ATG7: variants seen among roughly 807,000 people sequenced by gnomAD.
The protein encoded by ATG7 is autophagy related 7.
Under a neutral mutation model 82.4 loss-of-function variants are expected in ATG7, and 70 were observed. The observed-to-expected ratio is 0.85, with a 90% CI of 0.70 to 1.04. The LOEUF (loss-of-function observed/expected upper bound fraction) is 1.04, where lower values mean the gene tolerates loss of function less well. Among genes scored for constraint, ATG7 ranks in the 50% least tolerant of loss-of-function variants. The probability of loss-of-function intolerance (pLI) is 0.00; values close to 1 mark genes in which losing one functional copy is unlikely to be tolerated. For missense variants in ATG7, 792 were observed against 864.3 expected (o/e 0.92, Z 1.05); for synonymous variants, 287 against 313.0 (o/e 0.92, Z 0.88).
rs568017798 is a variant in ATG7 at position 11,358,643 on chromosome 3, T to A, written c.1479+31T>A. 27 of 1,600,314 alleles carry A rather than the reference T, an allele frequency of 1.7e-5. No homozygotes were observed. In the East Asian group the frequency reaches 5.1e-4, roughly 30 times the overall value. ...CCCTGTCTCTAATTATGATTTATGA[T>A]TTAATGCACCACCACTCCAGAGGGA... On this transcript the variant is annotated intron_variant, in intron 15 of 20. Transcript: ENST00000693202.
intron 5 of ATG7, among the ~76,000 whole-genome samples, chr3:11,303,827 C>A (rs2152700672): frequency 6.6e-6 from 1 of 150,566 alleles, no homozygotes; most frequent in African/African-American, 2.4e-5. Context: ...GTAATCCCAG[C>A]ACTTTGGGAG....
At chr3:11,558,690 C>T, downstream of ATG7, 1 of 1,613,970 alleles carries the variant, frequency 6.2e-7, no homozygotes, top group Non-Finnish European at 8.5e-7. Flanking sequence ...AGCCACGTGT[C>T]ACCCAGAGCT....
At chr3:11,536,042 T>G (rs2070257991) in intron 20 of ATG7, among the ~76,000 whole-genome samples, 1 of 152,164 alleles carries the variant, frequency 6.6e-6, no homozygotes, top group African/African-American at 2.4e-5. Context: ...CTCCATGGGT[T>G]CTAAAGGAAA....
In ATG7 at chr3:11,514,964, C is replaced by CT. The variant is rs528148542; in HGVS notation, c.2080-39846dup. On this transcript the variant is annotated intron_variant, in intron 20 of 20. Transcript: ENST00000693202. The stretch of plus-strand genomic sequence containing the variant: ...CAAGTGATTCTCCTGCCTCAGCTTC[C>CT]TGAGTAGCTGGGATTACAGGTGCGC... Among the ~76,000 whole-genome samples, 127 of 151,740 alleles carry CT rather than the reference C, an allele frequency of 8.4e-4. 1 individual carries two copies. The East Asian group carries it at 0.019, about 22-fold the overall frequency.
At chr3:11,397,840 T>G (rs1327743814) in intron 19 of ATG7, among the ~76,000 whole-genome samples, 1 of 148,080 alleles carries the variant, frequency 6.8e-6, no homozygotes, top group African/African-American at 2.5e-5. Context: ...CCCGGCACTC[T>G]GGGAGCCTGA....
chr3:11,538,573 G>C (rs2070523381), intron 20 of ATG7, among the ~76,000 whole-genome samples: 1 of 150,862 alleles, frequency 6.6e-6, no homozygotes, highest in African/African-American at 2.4e-5. Flanking sequence ...CCAGCCTCAG[G>C]GGCTCACACC....
chr3:11,430,234 A>G (rs2082747249), intron 20 of ATG7, among the ~76,000 whole-genome samples: 1 of 152,202 alleles, frequency 6.6e-6, no homozygotes, highest in Non-Finnish European at 1.5e-5. Context: ...AGGACCTCCT[A>G]GCAACAAAAA....
intron 3 of ATG7, among the ~76,000 whole-genome samples, chr3:11,293,433 A>T (rs1314192680): frequency 6.6e-6 from 1 of 151,576 alleles, no homozygotes; most frequent in African/African-American, 2.4e-5. Context: ...CAAGAGGCTG[A>T]GGCAGGAGAA....
intron 19 of ATG7, 138 bp downstream of exon 19, chr3:11,380,190 G>T: frequency 1.4e-6 from 1 of 730,532 alleles, no homozygotes; most frequent in South Asian, 1.7e-5. Flanking sequence ...CCCTCAGAAA[G>T]GACTTTGTTT....
At chr3:11,568,103 G>A in the ATG7 span, among the ~76,000 whole-genome samples, 1 of 152,218 alleles carries the variant, frequency 6.6e-6, no homozygotes, top group Non-Finnish European at 1.5e-5. The surrounding 1 kb of genome is among the most constrained non-coding windows in gnomAD (Gnocchi z 5.9). Context: ...GGGAGGGGCT[G>A]CAGCTCCCAA....
intron 19 of ATG7, among the ~76,000 whole-genome samples, chr3:11,385,909 A>G (rs567532041): frequency 6.6e-6 from 1 of 152,190 alleles, no homozygotes; most frequent in South Asian, 2.1e-4. Flanking sequence ...TGCCGTTTTA[A>G]TTTTGGCCAT....
At chr3:11,469,156 A>C (rs1159088841) in intron 20 of ATG7, among the ~76,000 whole-genome samples, 2 of 152,244 alleles carry the variant, frequency 1.3e-5, no homozygotes, top group Admixed American at 1.3e-4. Flanking sequence ...TCTGGCTTTA[A>C]GAGTAAAATA....
chr3:11,341,008 C>G (rs1048267158), intron 12 of ATG7, among the ~76,000 whole-genome samples: 2 of 152,132 alleles, frequency 1.3e-5, no homozygotes, highest in African/African-American at 2.4e-5. Context: ...CCTGTACTGC[C>G]GTTCAGTCCT....
intron 18 of ATG7, among the ~76,000 whole-genome samples, chr3:11,365,822 A>C (rs576867876): frequency 2.1e-3 from 313 of 152,298 alleles, no homozygotes; most frequent in African/African-American, 7.3e-3. Flanking sequence ...CAGTCTGACA[A>C]ATGTTCTTTC....
At chr3:11,327,872 G>A (rs1460842740) in intron 9 of ATG7, among the ~76,000 whole-genome samples, 1 of 152,192 alleles carries the variant, frequency 6.6e-6, no homozygotes, top group East Asian at 1.9e-4. Context: ...GTCTGGGGAG[G>A]AGGCCGGGGA....
At chr3:11,519,545 T>TGAG (rs1559791276) in intron 20 of ATG7, among the ~76,000 whole-genome samples, 2 of 58,766 alleles carry the variant, frequency 3.4e-5, no homozygotes, top group African/African-American at 2.4e-4. Context: ...AGGAGTTTTT[T>TGAG]TTTTTTTTTT....
intron 20 of ATG7, among the ~76,000 whole-genome samples, chr3:11,501,333 A>C (rs993463496): frequency 3.3e-5 from 5 of 152,354 alleles, no homozygotes; most frequent in Admixed American, 6.5e-5. Context: ...CAGGGATATC[A>C]GAAAACCTGA....
intron 20 of ATG7, among the ~76,000 whole-genome samples, chr3:11,435,092 A>G (rs1405971878): frequency 6.6e-6 from 1 of 152,250 alleles, no homozygotes; most frequent in Non-Finnish European, 1.5e-5. Context: ...CAAAAAGGAA[A>G]AAGATGGATA....
intron 5 of ATG7, among the ~76,000 whole-genome samples, chr3:11,300,245 T>A (rs937385307): frequency 1.3e-5 from 2 of 152,136 alleles, no homozygotes; most frequent in African/African-American, 4.8e-5. Flanking sequence ...ACACATTTAT[T>A]GAGCACTTAA....
Sources: allele counts gnomAD v4.1 joint callset (sites outside exome capture counted in the v4.1 genomes callset), GRCh38; gene constraint gnomAD v4.1.1; non-coding constraint Gnocchi (gnomAD v3.1); transcripts MANE v1.5; gene names NCBI Gene and HGNC (gene_info 2026-07-23, HGNC 2026-07-21).